FECH: variants seen among roughly 807,000 people sequenced by gnomAD.
The protein encoded by FECH is ferrochelatase, mitochondrial.
Under a neutral mutation model 56.9 loss-of-function variants are expected in FECH, and 40 were observed. The ratio of observed to expected loss-of-function variants is 0.70; its 90% CI spans 0.55 to 0.92. The LOEUF is 0.92. Ranked by LOEUF, FECH falls within the 40% of genes least tolerant of loss-of-function variation. The pLI, the probability that FECH is intolerant of heterozygous loss-of-function variation, is 0.00. For synonymous variants in FECH, 175 were observed against 198.6 expected (o/e 0.88, Z 1.00); for missense variants, 431 against 529.1 (o/e 0.81, Z 1.82).
At chr18:57,583,075 A>G (rs1343646755) in intron 1 of FECH, among the ~76,000 whole-genome samples, 2 of 152,186 alleles carry the variant, frequency 1.3e-5, no homozygotes, top group Non-Finnish European at 2.9e-5. Context: ...AGATTCTCAG[A>G]GAGGAGAATG....
intron 7 of FECH, among the ~76,000 whole-genome samples, 155 bp from the exon 8 acceptor site, chr18:57,555,107 T>C (rs1314457000): frequency 6.6e-6 from 1 of 152,202 alleles, no homozygotes; most frequent in African/African-American, 2.4e-5. Context: ...ATCACCAAAC[T>C]TCCTTAGTTC....
rs2050700043 is a variant in FECH, at chr18:57,544,889, T to G, written c.*5823A>C. ...TTTTAATATAACTTAATTTGAAAGA[T>G]ATTATTTTAATGATTAACTTGAAAT... On this transcript the variant is annotated 3_prime_UTR_variant, in exon 11 of 11. Coordinates refer to ENST00000262093, the MANE Select transcript of FECH (RefSeq NM_000140.5). Among the ~76,000 whole-genome samples, 1 of 152,246 alleles carries G rather than the reference T, an allele frequency of 6.6e-6. No homozygotes were observed. The highest frequency in any genetic ancestry group is 6.5e-5 in the Admixed American group (1 of 15,284).
Position 57,573,243 on chromosome 18 carries a change from C to A in FECH, c.314+3G>T. ...ATAATTGAGGTGTTTATATATATCTCACTTCTGAATAGGAAGTGTCATGAG... is the reference window on the plus strand; with the variant it reads ...ATAATTGAGGTGTTTATATATATCTAACTTCTGAATAGGAAGTGTCATGAG... On this transcript the variant is annotated splice_donor_region_variant and intron_variant, in intron 3 of 10. Transcript: ENST00000262093. 1 of 1,613,078 alleles carries A rather than the reference C, an allele frequency of 6.2e-7. No homozygotes were observed. Among genetic ancestry groups the A allele is most frequent in the Non-Finnish European group, 8.5e-7 (1 of 1,179,014 alleles).
At chr18:57,572,467 C>T (rs1199787527) in intron 3 of FECH, among the ~76,000 whole-genome samples, 4 of 123,718 alleles carry the variant, frequency 3.2e-5, no homozygotes, top group African/African-American at 1.3e-4. Context: ...ATGTAAATGA[C>T]GAGTTAATGG....
At chr18:57,570,371 C>T (rs2051087191) in intron 4 of FECH, among the ~76,000 whole-genome samples, 1 of 152,208 alleles carries the variant, frequency 6.6e-6, no homozygotes, top group Non-Finnish European at 1.5e-5. Context: ...TGCAGAAGCA[C>T]AGTTGAACAA....
At chr18:57,576,273 C>T (rs1186799933) in intron 2 of FECH, among the ~76,000 whole-genome samples, 1 of 152,226 alleles carries the variant, frequency 6.6e-6, no homozygotes, top group Non-Finnish European at 1.5e-5. Context: ...TCTAAAACAA[C>T]CAAGCAACTG....
intron 2 of FECH, 24 bp downstream of exon 2, chr18:57,580,049 T>C: frequency 1.2e-6 from 2 of 1,613,806 alleles, no homozygotes; most frequent in South Asian, 2.2e-5. Flanking sequence ...AAATTCTTAT[T>C]TGTACCTGAT....
chr18:57,567,867 T>C (rs2051038924), intron 4 of FECH: 1 of 152,250 alleles, frequency 6.6e-6, no homozygotes, highest in Admixed American at 6.5e-5. Context: ...CAGTATTCTC[T>C]GGTTGGGTAC....
chr18:57,551,133 T>C (rs1598976665), intron 10 of FECH, 182 bp downstream of exon 10: 24 of 647,994 alleles, frequency 3.7e-5, no homozygotes, highest in South Asian at 3.5e-4. Flanking sequence ...TGGGTAGAAA[T>C]CAGAAAATTG....
At chr18:57,577,670 T>C (rs1456003618) in intron 2 of FECH, among the ~76,000 whole-genome samples, 1 of 152,172 alleles carries the variant, frequency 6.6e-6, no homozygotes, top group Non-Finnish European at 1.5e-5. Context: ...TTTATGATGA[T>C]AAAGTAAATA....
chr18:57,579,767 G>A lies in FECH; in HGVS notation c.194+306C>T, dbSNP rs73436947. On this transcript the variant is annotated intron_variant, in intron 2 of 10. Coordinates refer to ENST00000262093, the MANE Select transcript of FECH (RefSeq NM_000140.5). ...TCATAGGCATAATTATGTTAGGTTC[G>A]TAAATACATTTCCAGCATATATAAT... Among the ~76,000 whole-genome samples, 5,119 of 152,220 alleles carry A rather than the reference G, an allele frequency of 0.034. 300 individuals carry two copies. The highest frequency in any genetic ancestry group is 0.12 in the African/African-American group (4,791 of 41,502).
At chr18:57,571,705 T>C in intron 3 of FECH, 165 bp from the exon 4 acceptor site, 1 of 931,754 alleles carries the variant, frequency 1.1e-6, no homozygotes. Flanking sequence ...AGCTCTCTTG[T>C]TGTAGAATAA....
At chr18:57,576,538 T>TA (rs1050610413) in intron 2 of FECH, among the ~76,000 whole-genome samples, 2 of 152,156 alleles carry the variant, frequency 1.3e-5, no homozygotes, top group Admixed American at 6.6e-5. Context: ...GATTACTGGT[T>TA]AAAAAAACCT....
At chr18:57,585,877 A>G (rs916353112) in intron 1 of FECH, 2 of 152,280 alleles carry the variant, frequency 1.3e-5, no homozygotes, top group Non-Finnish European at 1.5e-5. Flanking sequence ...AGCTCTGGCG[A>G]GGTTAGGTGC....
intron 4 of FECH, among the ~76,000 whole-genome samples, chr18:57,566,939 A>G (rs2051025573): frequency 6.6e-6 from 1 of 152,032 alleles, no homozygotes; most frequent in South Asian, 2.1e-4. Flanking sequence ...CTTGCATACC[A>G]GATACTATGG....
intron 2 of FECH, among the ~76,000 whole-genome samples, chr18:57,577,664 TG>T (rs1288115707): frequency 6.6e-6 from 1 of 150,590 alleles, no homozygotes; most frequent in African/African-American, 2.5e-5. Context: ...CAAGTATTTA[TG>T]ATGATAAAGT....
At chr18:57,564,586 A>G (rs3753178) in intron 5 of FECH, among the ~76,000 whole-genome samples, 13,683 of 152,318 alleles carry the variant, frequency 0.09, 785 homozygotes, top group African/African-American at 0.16. Flanking sequence ...ATCTTAAATC[A>G]CATATACTCT....
Position 57,586,635 on chromosome 18 carries a change from C to G in FECH, c.-15G>C, listed in dbSNP as rs575162987. 4 of 1,508,152 alleles carry G rather than the reference C, an allele frequency of 2.7e-6. No homozygotes were observed. The Admixed American group carries it at 8.2e-5, about 31-fold the overall frequency. The allele number at this position is 1,508,152 out of a possible 1,614,324, so 93.4% of individuals were successfully genotyped here. A position where few individuals can be genotyped will look rare whatever the true frequency, so the allele number is the denominator to read the frequency against. On this transcript the variant is annotated 5_prime_UTR_variant, in exon 1 of 11. Coordinates refer to ENST00000262093, the MANE Select transcript of FECH (RefSeq NM_000140.5). Reference sequence around the variant, plus strand: ...AGTGAACGCATTGCCTGGGCAGCCTCGGCCCGAGTCCGGGCTCCTCCCGCG... The same window carrying G: ...AGTGAACGCATTGCCTGGGCAGCCTGGGCCCGAGTCCGGGCTCCTCCCGCG...
chr18:57,552,303 T>A (rs58844664), intron 9 of FECH, among the ~76,000 whole-genome samples: 109 of 152,282 alleles, frequency 7.2e-4, no homozygotes, highest in African/African-American at 2.5e-3. Flanking sequence ...GGTCTAATTA[T>A]GATTTACTCA....
Sources: gnomAD v4.1 joint callset for allele counts (sites outside exome capture counted in the v4.1 genomes callset) on GRCh38, gnomAD v4.1.1 for gene constraint, MANE v1.5 for transcripts, NCBI Gene and HGNC (gene_info 2026-07-23, HGNC 2026-07-21) for gene names.